JCAD: variants seen among roughly 807,000 people sequenced by gnomAD.
JCAD encodes junctional cadherin 5 associated.
A neutral mutation model predicts 98.0 loss-of-function variants in JCAD; 40 were observed. The ratio of observed to expected loss-of-function variants is 0.41; its 90% confidence interval spans 0.32 to 0.53. JCAD has a LOEUF of 0.53. Ranked by LOEUF, JCAD falls within the 20% of genes least tolerant of loss-of-function variation. JCAD has a pLI of 0.31. For missense variants in JCAD, 1,705 were observed against 1,738.1 expected (o/e 0.98, Z 0.34); for synonymous variants, 691 against 682.3 (o/e 1.01, Z -0.20).
At chr10:30,046,620 T>C (rs1447065531) in intron 2 of JCAD, among the ~76,000 whole-genome samples, 3 of 152,232 alleles carry the variant, frequency 2.0e-5, no homozygotes, top group African/African-American at 4.8e-5. Context: ...TACAAAGTTC[T>C]AAAATGACTC....
At position 30,054,459 on chromosome 10, in the gene JCAD, T is replaced by G. The variant is rs1837527505; in HGVS notation, c.-60+5023A>C. ...CTTACTATACTTAACTTTATATACTTAATATTAACTTAAGTATATATAACA... is the reference window on the plus strand; with the variant it reads ...CTTACTATACTTAACTTTATATACTGAATATTAACTTAAGTATATATAACA... On this transcript the variant is annotated intron_variant, in intron 1 of 3. Coordinates refer to ENST00000375377, the MANE Select transcript of JCAD (RefSeq NM_020848.4). Among the ~76,000 whole-genome samples the G allele has an allele frequency of 2.0e-5, 3 of 151,830 alleles. No individual in the cohort carries two copies. In the South Asian group the frequency reaches 6.2e-4, roughly 31 times the overall value.
chr10:30,044,940 A>G (rs768648210), intron 2 of JCAD: 23 of 227,628 alleles, frequency 1.0e-4, no homozygotes, highest in Non-Finnish European at 1.3e-4. Flanking sequence ...TTTCTACCCT[A>G]GGAGCCAACC....
intron 1 of JCAD, among the ~76,000 whole-genome samples, chr10:30,109,788 G>A (rs1298487409): frequency 6.6e-6 from 1 of 151,616 alleles, no homozygotes; most frequent in African/African-American, 2.4e-5. Flanking sequence ...TGATATATGG[G>A]CCCCTTGATG....
chr10:30,081,139 A>T (rs1838077372), intron 1 of JCAD, among the ~76,000 whole-genome samples: 1 of 152,206 alleles, frequency 6.6e-6, no homozygotes, highest in Admixed American at 6.5e-5. Flanking sequence ...TAAGCTTAAA[A>T]GGCATCTGTG....
At chr10:30,061,724 A>G (rs1343288549), upstream of JCAD, among the ~76,000 whole-genome samples, 1 of 150,094 alleles carries the variant, frequency 6.7e-6, no homozygotes, top group Non-Finnish European at 1.5e-5. Context: ...AGAAAAGGAA[A>G]TGCAGACTTT....
chr10:30,039,939 G>C (rs1039425265), intron 2 of JCAD, among the ~76,000 whole-genome samples: 3 of 152,220 alleles, frequency 2.0e-5, no homozygotes, highest in Non-Finnish European at 4.4e-5. Flanking sequence ...TACATTCAGA[G>C]TGTTTAGCAC....
At position 30,016,464 on chromosome 10, in the gene JCAD, TAGAA is replaced by T. The variant is rs1836537716; in HGVS notation, c.*1415_*1418del. 1 of 151,984 alleles carries T rather than the reference TAGAA, an allele frequency of 6.6e-6. No homozygotes were observed. The highest frequency in any genetic ancestry group is 2.1e-4 in the South Asian group (1 of 4,822). The allele number at this position is 151,984 out of a possible 1,614,324, so 9.4% of individuals were successfully genotyped here. The stretch of plus-strand genomic sequence containing the variant: ...TGTTAGTTGTCAGGAATACCTTACT[TAGAA>T]AGAAGGAAAAAAATGCATGAAAAAA... On this transcript the variant is annotated 3_prime_UTR_variant, in exon 4 of 4. Transcript: ENST00000375377.
At chr10:30,047,945 G>T in intron 1 of JCAD, 74 bp from the exon 2 acceptor site, 1 of 887,886 alleles carries the variant, frequency 1.1e-6, no homozygotes, top group Non-Finnish European at 1.7e-6. Context: ...TCCTCCCGTG[G>T]TCCCCCCACC....
At chr10:30,017,955 T>G in intron 3 of JCAD, 38 bp from the exon 4 acceptor site, 1 of 1,504,122 alleles carries the variant, frequency 6.6e-7, no homozygotes, top group Non-Finnish European at 9.2e-7. Context: ...TAGTGTTATA[T>G]TCAACTGCTC....
At chr10:30,030,246 C>T (rs1291788335) in intron 2 of JCAD, among the ~76,000 whole-genome samples, 3 of 152,152 alleles carry the variant, frequency 2.0e-5, no homozygotes, top group African/African-American at 7.2e-5. Flanking sequence ...GAGTTTGAGA[C>T]CAGCCTGTGC....
intron 1 of JCAD, among the ~76,000 whole-genome samples, chr10:30,083,257 G>A (rs1838116730): frequency 3.9e-5 from 6 of 152,124 alleles, no homozygotes; most frequent in Admixed American, 1.3e-4. Flanking sequence ...ATGACACAAT[G>A]ATTTGTCCAA....
chr10:30,033,375 G>A (rs1837042003), intron 2 of JCAD, among the ~76,000 whole-genome samples: 1 of 152,118 alleles, frequency 6.6e-6, no homozygotes, highest in Non-Finnish European at 1.5e-5. Context: ...CGTGATGTAG[G>A]TCTCAGATCA....
chr10:30,056,952 G>C (rs569339140), intron 1 of JCAD, among the ~76,000 whole-genome samples: 1 of 152,178 alleles, frequency 6.6e-6, no homozygotes, highest in Admixed American at 6.5e-5. Context: ...CCATCAGCAG[G>C]CCCTTGAAAC....
At chr10:30,022,251 T>A (rs1246089397) in intron 3 of JCAD, among the ~76,000 whole-genome samples, 1 of 152,022 alleles carries the variant, frequency 6.6e-6, no homozygotes, top group Non-Finnish European at 1.5e-5. Flanking sequence ...CACAAGGGTG[T>A]GTGTGTAGGG....
intron 1 of JCAD, among the ~76,000 whole-genome samples, chr10:30,087,911 G>A (rs1044250858): frequency 2.6e-5 from 4 of 152,246 alleles, no homozygotes; most frequent in African/African-American, 9.6e-5. Context: ...CATGATCTCA[G>A]CTCACTGTAA....
intron 1 of JCAD, among the ~76,000 whole-genome samples, chr10:30,082,430 TG>T (rs1419940748): frequency 6.6e-6 from 1 of 152,114 alleles, no homozygotes; most frequent in Non-Finnish European, 1.5e-5. Flanking sequence ...TTTTAAAAGA[TG>T]ATATGGGCCG....
intron 1 of JCAD, among the ~76,000 whole-genome samples, chr10:30,114,160 A>G (rs1278043805): frequency 1.3e-5 from 2 of 152,214 alleles, no homozygotes; most frequent in African/African-American, 4.8e-5. Flanking sequence ...CCTGAATGGT[A>G]GCTCTATGGC....
chr10:30,073,728 T>G (rs1015832340), intron 1 of JCAD, among the ~76,000 whole-genome samples: 1 of 151,630 alleles, frequency 6.6e-6, no homozygotes, highest in African/African-American at 2.4e-5. Flanking sequence ...TTTCCTTCCT[T>G]CCTTCCCTCC....
At chr10:30,034,274 A>G (rs1837068827) in intron 2 of JCAD, among the ~76,000 whole-genome samples, 1 of 151,904 alleles carries the variant, frequency 6.6e-6, no homozygotes, top group African/African-American at 2.4e-5. Flanking sequence ...TTCTGTATCT[A>G]CTTCTACCCC....
Sources: gnomAD v4.1 joint callset for allele counts (sites outside exome capture counted in the v4.1 genomes callset) on GRCh38, gnomAD v4.1.1 for gene constraint, MANE v1.5 for transcripts, NCBI Gene and HGNC (gene_info 2026-07-23, HGNC 2026-07-21) for gene names.